The following KANSL1L variants were observed in gnomAD, a reference collection of about 807,000 sequenced individuals.
The protein encoded by KANSL1L is KAT8 regulatory NSL complex subunit 1 like, also known as KAT8 regulatory NSL complex subunit 1-like protein.
Under a neutral mutation model 108.6 loss-of-function variants are expected in KANSL1L, and 25 were observed. That is an observed-to-expected ratio of 0.23 (90% confidence interval 0.17 to 0.32). KANSL1L has a LOEUF of 0.32. KANSL1L is among the 10% of genes least tolerant of loss of function. The pLI, the probability that KANSL1L is intolerant of heterozygous loss-of-function variation, is 1.00. For synonymous variants in KANSL1L, 405 were observed against 395.1 expected, an observed-to-expected ratio of 1.03 and a Z score of -0.30; for missense variants, 1,137 against 1,125.7, an observed-to-expected ratio of 1.01 and a Z score of -0.14.
At position 210,153,748 on chromosome 2, in the gene KANSL1L, T is replaced by C; in HGVS notation, c.835A>G (p.Thr279Ala). The C allele has an allele frequency of 6.2e-7, 1 of 1,609,342 alleles. No homozygotes were observed. The highest frequency in any genetic ancestry group is 8.5e-7 in the Non-Finnish European group (1 of 1,178,342). The change falls in exon 2 of 15, where the codon ACC (threonine) becomes GCC (alanine). Residue 279 changes from threonine to alanine, a missense_variant. Physicochemically the swap from Thr to Ala is moderately conservative, Grantham distance 58. Transcript: ENST00000281772. The part of the protein sequence containing the change: ...LPKMKTFHEP[T>A]TILGNSLPKC... ...GGTAAACTATTACCCAAAATTGTGG[T>C]AGGTTCATGAAATGTCTTCATTTTG... is the stretch of plus-strand genomic sequence containing the variant.
chr2:210,117,865 A>ATT (rs1227414852), intron 3 of KANSL1L, among the ~76,000 whole-genome samples: 1 of 152,138 alleles, frequency 6.6e-6, no homozygotes, highest in Non-Finnish European at 1.5e-5. Flanking sequence ...CTGTATTATA[A>ATT]AAAAATAGAA....
At chr2:210,122,605 A>G (rs879714830) in intron 3 of KANSL1L, among the ~76,000 whole-genome samples, 6 of 152,332 alleles carry the variant, frequency 3.9e-5, no homozygotes, top group Non-Finnish European at 7.4e-5. Flanking sequence ...ACTCTCCAGG[A>G]CATTGGACTG....
rs533999838 is a variant in KANSL1L at position 210,029,839 on chromosome 2, A to G, written c.2235T>C (p.Asn745=). 3.3e-5 allele frequency: 53 copies of G among 1,605,714 alleles called. No individual in the cohort carries two copies. The highest frequency in any genetic ancestry group is 5.0e-5 in the Admixed American group (3 of 59,582). Residue 745 remains asparagine, a synonymous_variant, in exon 10 of 15, where the codon AAT becomes AAC. Transcript: ENST00000281772. ...GSHSNFTAVS[N]VNVLSRIQNS... ...TCTGGATTCTTGATAAAACGTTGAC[A>G]TTGGAAACAGCAGTAAAATTGCTAT...
At chr2:210,083,351 A>G (rs1483463384) in intron 5 of KANSL1L, among the ~76,000 whole-genome samples, 2 of 152,200 alleles carry the variant, frequency 1.3e-5, no homozygotes, top group Admixed American at 6.5e-5. Flanking sequence ...TATGCACCTA[A>G]GAATCATAGT....
chr2:210,139,688 T>C (rs1478323124), intron 2 of KANSL1L, among the ~76,000 whole-genome samples: 1 of 152,112 alleles, frequency 6.6e-6, no homozygotes, highest in East Asian at 1.9e-4. Flanking sequence ...TGTTGGCCAT[T>C]TGTATATCTT....
intron 12 of KANSL1L, chr2:210,026,486 C>T (rs1367037287): frequency 6.6e-6 from 1 of 152,172 alleles, no homozygotes; most frequent in Non-Finnish European, 1.5e-5. Flanking sequence ...GTTTATCCAA[C>T]TCAACTATGA....
intron 2 of KANSL1L, among the ~76,000 whole-genome samples, chr2:210,131,094 C>A (rs1259542600): frequency 6.6e-6 from 1 of 152,074 alleles, no homozygotes; most frequent in African/African-American, 2.4e-5. Context: ...TTCCAGTTCA[C>A]CTGAGGATCT....
rs1205423897 is a variant in KANSL1L, at chr2:210,171,344, G to T, written c.-225C>A. ...CGCCGCCGCCGCCGCCGCCGCCGCG[G>T]TTTAACAGTCCGCCCGCTGCCCGCA... On this transcript the variant is annotated 5_prime_UTR_variant, in exon 1 of 15. Coordinates refer to ENST00000281772, the MANE Select transcript of KANSL1L (RefSeq NM_152519.4). 25 of 171,134 alleles carry T rather than the reference G, an allele frequency of 1.5e-4. No homozygotes were observed. The East Asian group carries it at 3.8e-3, about 26-fold the overall frequency. The allele number at this position is 171,134 out of a possible 1,614,324, so 10.6% of individuals were successfully genotyped here.
At chr2:210,152,385 A>C (rs1322927433) in intron 2 of KANSL1L, 1 of 152,252 alleles carries the variant, frequency 6.6e-6, no homozygotes, top group Non-Finnish European at 1.5e-5. Context: ...AAATATCCAC[A>C]TAAGTCTAGT....
chr2:210,170,309 TGG>T, intron 1 of KANSL1L: 1 of 963,820 alleles, frequency 1.0e-6, no homozygotes, highest in Non-Finnish European at 1.2e-6. Context: ...TCCTGAAGTT[TGG>T]GGAATCAAAA....
At chr2:210,167,333 T>C (rs1428109859) in intron 1 of KANSL1L, among the ~76,000 whole-genome samples, 1 of 152,054 alleles carries the variant, frequency 6.6e-6, no homozygotes, top group Non-Finnish European at 1.5e-5. Context: ...TCTTCCACTT[T>C]GAAAACTATG....
chr2:210,157,598 G>A (rs1023492853), intron 1 of KANSL1L, among the ~76,000 whole-genome samples: 3 of 149,054 alleles, frequency 2.0e-5, no homozygotes, highest in African/African-American at 5.0e-5. Flanking sequence ...GGCTAAGGCA[G>A]GAAGATCACT....
At chr2:210,146,262 A>C (rs2887881) in intron 2 of KANSL1L, among the ~76,000 whole-genome samples, 5 of 152,122 alleles carry the variant, frequency 3.3e-5, no homozygotes, top group Admixed American at 2.6e-4. Flanking sequence ...TGTTGCTACA[A>C]ATTCATACTT....
intron 12 of KANSL1L, 69 bp from the exon 13 acceptor site, chr2:210,025,285 G>A (rs950513624): frequency 1.5e-5 from 14 of 925,678 alleles, no homozygotes; most frequent in Admixed American, 1.8e-5. Context: ...GGCTGGGCAC[G>A]GTGGCTCACG....
intron 2 of KANSL1L, among the ~76,000 whole-genome samples, chr2:210,135,625 T>C: frequency 6.6e-6 from 1 of 152,146 alleles, no homozygotes; most frequent in East Asian, 1.9e-4. Flanking sequence ...TACCAGTGAC[T>C]CTCAACAATG....
At chr2:210,127,382 A>G (rs1304868910) in intron 3 of KANSL1L, among the ~76,000 whole-genome samples, 2 of 152,234 alleles carry the variant, frequency 1.3e-5, no homozygotes, top group African/African-American at 2.4e-5. Flanking sequence ...CATTAGATTT[A>G]GCAATGATTT....
At chr2:210,121,118 C>T (rs1178554514) in intron 3 of KANSL1L, among the ~76,000 whole-genome samples, 1 of 152,116 alleles carries the variant, frequency 6.6e-6, no homozygotes, top group African/African-American at 2.4e-5. Flanking sequence ...ACAGATATAC[C>T]ATTTGACCCA....
chr2:210,070,511 T>C (rs535823577), intron 6 of KANSL1L, among the ~76,000 whole-genome samples: 7 of 152,204 alleles, frequency 4.6e-5, no homozygotes, highest in African/African-American at 1.7e-4. Context: ...ATTACAGGCG[T>C]GAGCCACTGC....
chr2:210,061,736 A>T (rs1241437409), intron 6 of KANSL1L, among the ~76,000 whole-genome samples: 1 of 152,242 alleles, frequency 6.6e-6, no homozygotes, highest in Non-Finnish European at 1.5e-5. Context: ...AAAAGATATG[A>T]TTCTCTTAGA....
Sources: gnomAD v4.1 joint callset for allele counts (sites outside exome capture counted in the v4.1 genomes callset) on GRCh38, gnomAD v4.1.1 for gene constraint, MANE v1.5 for transcripts, NCBI Gene and HGNC (gene_info 2026-07-23, HGNC 2026-07-21) for gene names.